The following ENTREP2 variants were observed in gnomAD, a reference collection of about 807,000 sequenced individuals.
ENTREP2 encodes protein ENTREP2.
chr15:29,566,645 C>T, the ENTREP2 span, among the ~76,000 whole-genome samples: 1 of 152,092 alleles, frequency 6.6e-6, no homozygotes, highest in Non-Finnish European at 1.5e-5. Context: ...TTAGTAGAGA[C>T]AGGGTTTCGC....
At chr15:29,474,012 C>T in the ENTREP2 span, among the ~76,000 whole-genome samples, 4 of 152,230 alleles carry the variant, frequency 2.6e-5, no homozygotes, top group Non-Finnish European at 4.4e-5. Flanking sequence ...CTGCAGACAA[C>T]CTTCAAACCC....
chr15:29,174,183 C>A, the ENTREP2 span, among the ~76,000 whole-genome samples: 1 of 152,218 alleles, frequency 6.6e-6, no homozygotes, highest in African/African-American at 2.4e-5. Context: ...GGGGACATGT[C>A]TCTTCCCTTG....
chr15:29,229,698 T>C, the ENTREP2 span, among the ~76,000 whole-genome samples: 1 of 152,214 alleles, frequency 6.6e-6, no homozygotes, highest in Non-Finnish European at 1.5e-5. Flanking sequence ...GCATTCTTTC[T>C]GCCCTGCATA....
At chr15:29,505,861 A>G in the ENTREP2 span, among the ~76,000 whole-genome samples, 112 of 152,286 alleles carry the variant, frequency 7.4e-4, no homozygotes, top group African/African-American at 2.6e-3. The surrounding 1 kb of genome is among the most constrained non-coding windows in gnomAD (Gnocchi z 4.3). Flanking sequence ...TCTCCTCCAA[A>G]GGATCACAAC....
At chr15:29,394,431 C>CA in the ENTREP2 span, among the ~76,000 whole-genome samples, 4 of 152,112 alleles carry the variant, frequency 2.6e-5, no homozygotes, top group Non-Finnish European at 4.4e-5. Flanking sequence ...TTCCCAGGAA[C>CA]AAAAACAGTT....
the ENTREP2 span, among the ~76,000 whole-genome samples, chr15:29,403,511 G>A: frequency 6.6e-6 from 1 of 152,146 alleles, no homozygotes; most frequent in African/African-American, 2.4e-5. Context: ...AGCTATCAGA[G>A]TATAATTATG....
At chr15:29,155,897 T>C in the ENTREP2 span, among the ~76,000 whole-genome samples, 1 of 152,102 alleles carries the variant, frequency 6.6e-6, no homozygotes, top group Non-Finnish European at 1.5e-5. Flanking sequence ...TGGTGGCTTT[T>C]TTGTTTGCGT....
chr15:29,125,745 G>A, the ENTREP2 span, among the ~76,000 whole-genome samples: 3 of 152,210 alleles, frequency 2.0e-5, no homozygotes, highest in Admixed American at 6.5e-5. Flanking sequence ...AAATTCCTGC[G>A]CTGCTGGCCA....
At chr15:29,500,332 A>G in the ENTREP2 span, among the ~76,000 whole-genome samples, 1 of 152,130 alleles carries the variant, frequency 6.6e-6, no homozygotes, top group South Asian at 2.1e-4. Flanking sequence ...CTGATGAAAC[A>G]TATATTGGGC....
the ENTREP2 span, among the ~76,000 whole-genome samples, chr15:29,416,472 C>T: frequency 6.6e-6 from 1 of 152,154 alleles, no homozygotes; most frequent in South Asian, 2.1e-4. Context: ...GGATCTCTTC[C>T]TTACACCTTA....
At chr15:29,258,389 C>T in the ENTREP2 span, among the ~76,000 whole-genome samples, 1 of 151,976 alleles carries the variant, frequency 6.6e-6, no homozygotes, top group Non-Finnish European at 1.5e-5. Context: ...AGCAAACCTA[C>T]ACAGAAGCCA....
At chr15:29,237,595 T>C in the ENTREP2 span, among the ~76,000 whole-genome samples, 2 of 152,128 alleles carry the variant, frequency 1.3e-5, no homozygotes, top group African/African-American at 4.8e-5. Flanking sequence ...GGAAATGCAA[T>C]TCAAAACCAT....
At chr15:29,382,911 C>T in the ENTREP2 span, among the ~76,000 whole-genome samples, 2 of 152,208 alleles carry the variant, frequency 1.3e-5, no homozygotes, top group African/African-American at 2.4e-5. Context: ...CCAGCAGTCA[C>T]CAAGTGCGAC....
the ENTREP2 span, among the ~76,000 whole-genome samples, chr15:29,208,534 C>T: frequency 9.9e-5 from 15 of 152,258 alleles, no homozygotes; most frequent in Middle Eastern, 3.4e-3. Context: ...TTGAGGGAGG[C>T]GCCAGCACAC....
the ENTREP2 span, among the ~76,000 whole-genome samples, chr15:29,634,005 C>T: frequency 7.9e-5 from 12 of 152,122 alleles, no homozygotes; most frequent in South Asian, 6.2e-4. Flanking sequence ...GCTCACTGCT[C>T]GGGGTCTTAC....
At chr15:29,181,591 G>A in the ENTREP2 span, among the ~76,000 whole-genome samples, 1 of 151,836 alleles carries the variant, frequency 6.6e-6, no homozygotes, top group Non-Finnish European at 1.5e-5. Context: ...ATGCAAGAAC[G>A]GTTCCACATT....
At chr15:29,321,713 G>T in the ENTREP2 span, among the ~76,000 whole-genome samples, 6,141 of 151,438 alleles carry the variant, frequency 0.041, 405 homozygotes, top group African/African-American at 0.14. Context: ...AAAGGAAAAT[G>T]CAGGAAATGT....
At chr15:29,309,170 C>A in the ENTREP2 span, among the ~76,000 whole-genome samples, 1 of 152,042 alleles carries the variant, frequency 6.6e-6, no homozygotes, top group Non-Finnish European at 1.5e-5. Context: ...ATTCTGTCTC[C>A]CCTATAATTG....
chr15:29,480,543 G>A, the ENTREP2 span, among the ~76,000 whole-genome samples: 2 of 151,916 alleles, frequency 1.3e-5, no homozygotes, highest in Non-Finnish European at 2.9e-5. Flanking sequence ...GTGATGCAAA[G>A]AAAAAGAGCC....
Sources: allele counts gnomAD v4.1 joint callset (sites outside exome capture counted in the v4.1 genomes callset), GRCh38; gene constraint gnomAD v4.1.1; non-coding constraint Gnocchi (gnomAD v3.1); transcripts MANE v1.5; gene names NCBI Gene and HGNC (gene_info 2026-07-23, HGNC 2026-07-21).